DACH2: variants seen among roughly 807,000 people sequenced by gnomAD.
DACH2 encodes the protein dachshund homolog 2.
In DACH2, 17 loss-of-function variants were observed where a neutral mutation model predicts 35.8. The ratio of observed to expected loss-of-function variants is 0.48; its 90% CI spans 0.33 to 0.71. The LOEUF is 0.71. DACH2 is among the 30% of genes least tolerant of loss of function. The probability of loss-of-function intolerance (pLI) is 0.02; values close to 1 mark genes in which losing one functional copy is unlikely to be tolerated. For synonymous variants in DACH2, 195 were observed against 177.3 expected, an observed-to-expected ratio of 1.10 and a Z score of -0.79; for missense variants, 469 against 472.7, an observed-to-expected ratio of 0.99 and a Z score of 0.07.
At chrX:86,299,224 G>A (rs956047173) in intron 1 of DACH2, among the ~76,000 whole-genome samples, 11 of 111,973 alleles carry the variant, frequency 9.8e-5, no homozygotes, top group Admixed American at 2.9e-4. Flanking sequence ...AGGAGAATAC[G>A]TAATGTTGGT....
chrX:86,181,079 G>A (rs908854022), intron 1 of DACH2, among the ~76,000 whole-genome samples: 5 of 110,194 alleles, frequency 4.5e-5, no homozygotes, highest in East Asian at 5.7e-4. Context: ...CATAGATGGT[G>A]CATTATCATG....
intron 1 of DACH2, among the ~76,000 whole-genome samples, chrX:86,228,856 T>C (rs188134548): frequency 8.9e-6 from 1 of 111,837 alleles, no homozygotes; most frequent in African/African-American, 3.2e-5. Context: ...TTGTAGATTC[T>C]GGATATTAGT....
chrX:86,829,399 C>T (rs1315824366), intron 11 of DACH2: 1 of 112,417 alleles, frequency 8.9e-6, no homozygotes, highest in African/African-American at 3.2e-5. Flanking sequence ...AATTAAGTTA[C>T]TTCAAAATAA....
At chrX:86,285,164 G>T in intron 1 of DACH2, among the ~76,000 whole-genome samples, 1 of 110,577 alleles carries the variant, frequency 9.0e-6, no homozygotes, top group Non-Finnish European at 1.9e-5. Context: ...CATTATTTTT[G>T]TTTCAATTTC....
chrX:86,237,915 A>G (rs1168094200), intron 1 of DACH2, among the ~76,000 whole-genome samples: 1 of 112,021 alleles, frequency 8.9e-6, no homozygotes, highest in Non-Finnish European at 1.9e-5. Context: ...TGTCACAGCC[A>G]TGGCTCAAGG....
chrX:86,653,570 C>T (rs1356015702), intron 4 of DACH2, among the ~76,000 whole-genome samples: 1 of 111,078 alleles, frequency 9.0e-6, no homozygotes, highest in Non-Finnish European at 1.9e-5. Flanking sequence ...AATGTTTTTC[C>T]ATTCAGTAAT....
At chrX:86,743,282 C>T (rs1191935604) in intron 7 of DACH2, among the ~76,000 whole-genome samples, 1 of 111,370 alleles carries the variant, frequency 9.0e-6, no homozygotes, top group Admixed American at 9.6e-5. Flanking sequence ...TGCATAGTAT[C>T]CAGTTTTGTC....
intron 3 of DACH2, among the ~76,000 whole-genome samples, chrX:86,644,473 C>CA (rs199738412): frequency 0.12 from 13,792 of 110,690 alleles, 749 homozygotes; most frequent in East Asian, 0.32. Context: ...GAAGAATCAA[C>CA]TAATTAAAAT....
At chrX:86,449,839 A>G (rs2037338659) in intron 2 of DACH2, among the ~76,000 whole-genome samples, 1 of 111,541 alleles carries the variant, frequency 9.0e-6, no homozygotes. Context: ...TACTGCATAT[A>G]TTTTAACAAA....
At chrX:86,175,525 G>C (rs1204626441) in intron 1 of DACH2, among the ~76,000 whole-genome samples, 1 of 111,483 alleles carries the variant, frequency 9.0e-6, no homozygotes, top group African/African-American at 3.3e-5. Flanking sequence ...GTGGATGTGA[G>C]GGGAGGGGGT....
chrX:86,594,034 A>T (rs1033672660), intron 3 of DACH2, among the ~76,000 whole-genome samples: 3 of 111,432 alleles, frequency 2.7e-5, no homozygotes, highest in African/African-American at 9.8e-5. Context: ...AATAAATATG[A>T]TCCTCATCAG....
intron 1 of DACH2, among the ~76,000 whole-genome samples, chrX:86,291,703 T>C (rs954322179): frequency 5.0e-5 from 5 of 100,672 alleles, no homozygotes; most frequent in Non-Finnish European, 7.9e-5. Flanking sequence ...TTGTCTTTGG[T>C]TCTGTTTATA....
intron 2 of DACH2, among the ~76,000 whole-genome samples, chrX:86,397,719 C>T (rs1161525695): frequency 1.8e-5 from 2 of 111,827 alleles, no homozygotes; most frequent in Admixed American, 1.9e-4. Flanking sequence ...GTTGAACCAG[C>T]CTTGCATCCC....
intron 4 of DACH2, among the ~76,000 whole-genome samples, chrX:86,680,058 G>C (rs765168863): frequency 9.0e-6 from 1 of 111,378 alleles, no homozygotes; most frequent in Non-Finnish European, 1.9e-5. Flanking sequence ...AGTATGAAGA[G>C]ACCAACTCAA....
intron 3 of DACH2, among the ~76,000 whole-genome samples, chrX:86,580,563 A>C (rs769804460): frequency 2.3e-4 from 26 of 111,981 alleles, no homozygotes; most frequent in Non-Finnish European, 4.1e-4. Flanking sequence ...GATAGAGCTG[A>C]AAAACTCACA....
At chrX:86,521,901 T>A (rs1476311504) in intron 3 of DACH2, among the ~76,000 whole-genome samples, 3 of 111,679 alleles carry the variant, frequency 2.7e-5, no homozygotes, top group Non-Finnish European at 5.7e-5. Flanking sequence ...GGTTCAGGCA[T>A]CATTCTTAGA....
At position 86,215,740 on chromosome X, in the gene DACH2, G is replaced by T. The variant is rs774749678; in HGVS notation, c.488+66632G>T. Among the ~76,000 whole-genome samples, 14 of 111,715 alleles carry T rather than the reference G, an allele frequency of 1.3e-4. No individual in the cohort carries two copies. In the South Asian group the frequency reaches 4.9e-3, roughly 39 times the overall value. On this transcript the variant is annotated intron_variant, in intron 1 of 11. Transcript: ENST00000373125. ...CTAGGGTCTTGTCTTCCTGATAGAGGTGAGGGAAATTCTGCTATTTGCAGT... is the reference window on the plus strand; with the variant it reads ...CTAGGGTCTTGTCTTCCTGATAGAGTTGAGGGAAATTCTGCTATTTGCAGT...
intron 2 of DACH2, among the ~76,000 whole-genome samples, chrX:86,427,966 A>G (rs1350446971): frequency 1.8e-5 from 2 of 111,582 alleles, no homozygotes; most frequent in African/African-American, 3.2e-5. Flanking sequence ...TTGACCTTGA[A>G]CACTTTTTTG....
intron 3 of DACH2, among the ~76,000 whole-genome samples, chrX:86,610,854 A>G (rs996538030): frequency 9.0e-6 from 1 of 111,260 alleles, no homozygotes; most frequent in African/African-American, 3.3e-5. Context: ...ATGCTGTCCA[A>G]GGGCCAAGTC....
Sources: gnomAD v4.1 joint callset for allele counts (sites outside exome capture counted in the v4.1 genomes callset) on GRCh38, gnomAD v4.1.1 for gene constraint, MANE v1.5 for transcripts, NCBI Gene and HGNC (gene_info 2026-07-23, HGNC 2026-07-21) for gene names.